DACH1: variants seen among roughly 807,000 people sequenced by gnomAD.
DACH1 encodes the protein dachshund homolog 1.
A neutral mutation model predicts 54.2 loss-of-function variants in DACH1; 12 were observed. The observed-to-expected ratio is 0.22, with a 90% CI of 0.14 to 0.36. The LOEUF (loss-of-function observed/expected upper bound fraction) is 0.36, where lower values mean the gene tolerates loss of function less well. DACH1 is among the 10% of genes least tolerant of loss of function. DACH1 has a pLI of 1.00. For missense variants in DACH1, 805 were observed against 929.8 expected (o/e 0.87, Z 1.75); for synonymous variants, 386 against 366.2 (o/e 1.05, Z -0.62).
chr13:71,580,993 T>TAAATATTTTA (rs143184336), intron 3 of DACH1, among the ~76,000 whole-genome samples: 20,643 of 151,684 alleles, frequency 0.14, 1,564 homozygotes, highest in Non-Finnish European at 0.16. Flanking sequence ...AAAAATATTT[T>TAAATATTTTA]AAAAGTTTGT....
intron 1 of DACH1, among the ~76,000 whole-genome samples, chr13:71,861,701 T>C (rs899233251): frequency 6.6e-6 from 1 of 151,906 alleles, no homozygotes; most frequent in Non-Finnish European, 1.5e-5. Context: ...ATACGAAAAC[T>C]TCAAAAGCAG....
chr13:71,750,722 T>C (rs1215897904), intron 1 of DACH1, among the ~76,000 whole-genome samples: 1 of 152,196 alleles, frequency 6.6e-6, no homozygotes, highest in Non-Finnish European at 1.5e-5. Flanking sequence ...AGAAATATCA[T>C]GAATAAATGT....
At chr13:71,673,430 T>C (rs1880325970) in intron 2 of DACH1, among the ~76,000 whole-genome samples, 1 of 152,098 alleles carries the variant, frequency 6.6e-6, no homozygotes, top group Non-Finnish European at 1.5e-5. Flanking sequence ...ATATATTTTA[T>C]TTATATGTAT....
rs546070174 is a variant in DACH1 at position 71,440,547 on chromosome 13, T to A, written c.*108A>T. On this transcript the variant is annotated 3_prime_UTR_variant, in exon 11 of 11. Coordinates refer to ENST00000613252, the MANE Select transcript of DACH1 (RefSeq NM_080759.6). ...TTTTAAAGAACATTAATACACAAAA[T>A]TCAGGAAGTTCCCTTAAAAGGACTT... The A allele has an allele frequency of 5.0e-4, 416 of 840,130 alleles. 5 individuals are homozygous for A. The South Asian group carries it at 6.2e-3, about 12-fold the overall frequency. The allele number at this position is 840,130 out of a possible 1,614,324, so 52.0% of individuals were successfully genotyped here. A position where few individuals can be genotyped will look rare whatever the true frequency, so the allele number is the denominator to read the frequency against.
At chr13:71,537,375 C>T (rs1191980813) in intron 6 of DACH1, among the ~76,000 whole-genome samples, 1 of 152,124 alleles carries the variant, frequency 6.6e-6, no homozygotes, top group Non-Finnish European at 1.5e-5. Context: ...ATACACAAAA[C>T]ACCAACTAAT....
intron 6 of DACH1, among the ~76,000 whole-genome samples, chr13:71,549,958 C>G (rs1883703891): frequency 1.3e-5 from 2 of 152,084 alleles, no homozygotes; most frequent in South Asian, 4.2e-4. Context: ...TTAATACAAT[C>G]ATTGACATAT....
rs147376178 is a variant in DACH1, at chr13:71,719,675, G to C, written c.849-37765C>G. On this transcript the variant is annotated intron_variant, in intron 1 of 10. Transcript: ENST00000613252. ...AGCCAAGGAGTTCAATCTCAGCCTC[G>C]GTAACATACTGAAACCCCATCACTA... Among the ~76,000 whole-genome samples the C allele has an allele frequency of 2.8e-3, 429 of 152,032 alleles. 3 individuals are homozygous for C. The highest frequency in any genetic ancestry group is 9.9e-3 in the African/African-American group (410 of 41,464).
At chr13:71,449,092 C>A (rs1035553440) in intron 10 of DACH1, among the ~76,000 whole-genome samples, 1 of 152,104 alleles carries the variant, frequency 6.6e-6, no homozygotes, top group African/African-American at 2.4e-5. Flanking sequence ...GTAATCCCAG[C>A]ACTTTCGGAG....
At chr13:71,864,953 G>C (rs1874623122) in intron 1 of DACH1, among the ~76,000 whole-genome samples, 1 of 152,172 alleles carries the variant, frequency 6.6e-6, no homozygotes, top group African/African-American at 2.4e-5. Context: ...AAAGAAAAGA[G>C]AGAGAAAGAC....
intron 3 of DACH1, among the ~76,000 whole-genome samples, chr13:71,599,047 T>C (rs1250782884): frequency 6.6e-6 from 1 of 152,106 alleles, no homozygotes; most frequent in Non-Finnish European, 1.5e-5. Context: ...GCTCTAAACA[T>C]GTCATTTTTC....
At chr13:71,524,283 T>C (rs1881804402) in intron 6 of DACH1, among the ~76,000 whole-genome samples, 1 of 152,148 alleles carries the variant, frequency 6.6e-6, no homozygotes, top group Admixed American at 6.6e-5. Context: ...TGAAGCATGA[T>C]TGCTACATTA....
chr13:71,654,443 A>AAAATAAAG (rs1878927904), intron 2 of DACH1, among the ~76,000 whole-genome samples: 1 of 131,744 alleles, frequency 7.6e-6, no homozygotes, highest in Non-Finnish European at 1.6e-5. Context: ...ATAAAATAAA[A>AAAATAAAG]TAAAATAAAA....
At chr13:71,634,444 T>C (rs1317073884) in intron 2 of DACH1, among the ~76,000 whole-genome samples, 1 of 152,180 alleles carries the variant, frequency 6.6e-6, no homozygotes, top group Non-Finnish European at 1.5e-5. Context: ...TTCTTTCCTT[T>C]TCACTAGCAA....
intron 1 of DACH1, among the ~76,000 whole-genome samples, chr13:71,722,511 C>A (rs1233719388): frequency 6.6e-6 from 1 of 152,082 alleles, no homozygotes; most frequent in South Asian, 2.1e-4. Flanking sequence ...GAAGGGGGTA[C>A]TTCCGGATAA....
At chr13:71,847,884 A>G (rs906145955) in intron 1 of DACH1, among the ~76,000 whole-genome samples, 1 of 152,222 alleles carries the variant, frequency 6.6e-6, no homozygotes, top group Admixed American at 6.5e-5. Context: ...AAAATATTGG[A>G]CAGGCACCAA....
chr13:71,822,354 G>A (rs1285892588), intron 1 of DACH1, among the ~76,000 whole-genome samples: 1 of 152,156 alleles, frequency 6.6e-6, no homozygotes, highest in Admixed American at 6.5e-5. Context: ...TATAGTAAAA[G>A]TAAAATGAAG....
At chr13:71,641,035 A>G (rs923455107) in intron 2 of DACH1, among the ~76,000 whole-genome samples, 3 of 151,890 alleles carry the variant, frequency 2.0e-5, no homozygotes, top group Non-Finnish European at 4.4e-5. Context: ...GTGCATGTGT[A>G]GTTTATTGTT....
intron 2 of DACH1, among the ~76,000 whole-genome samples, chr13:71,676,876 T>C (rs897885941): frequency 6.6e-6 from 1 of 152,190 alleles, no homozygotes; most frequent in Non-Finnish European, 1.5e-5. Flanking sequence ...TAGTTATATG[T>C]CTACAAGATC....
At chr13:71,444,760 A>G (rs1254714423) in intron 10 of DACH1, among the ~76,000 whole-genome samples, 1 of 152,174 alleles carries the variant, frequency 6.6e-6, no homozygotes, top group African/African-American at 2.4e-5. Context: ...ATTATTCTCC[A>G]TGGTCTACAA....
Sources: allele counts gnomAD v4.1 joint callset (sites outside exome capture counted in the v4.1 genomes callset), GRCh38; gene constraint gnomAD v4.1.1; transcripts MANE v1.5; gene names NCBI Gene and HGNC (gene_info 2026-07-23, HGNC 2026-07-21).